Variants in SGCZ observed in about 807,000 individuals in gnomAD.
SGCZ encodes sarcoglycan zeta, also known as zeta-sarcoglycan.
Under a neutral mutation model 41.3 loss-of-function variants are expected in SGCZ, and 40 were observed. The ratio of observed to expected loss-of-function variants is 0.97; its 90% CI spans 0.75 to 1.26. SGCZ has a LOEUF of 1.26. SGCZ is among the 50% of genes most tolerant of loss of function. The probability of loss-of-function intolerance (pLI) is 0.00; values close to 1 mark genes in which losing one functional copy is unlikely to be tolerated. For synonymous variants in SGCZ, 206 were observed against 137.5 expected (o/e 1.50, Z -3.49); for missense variants, 552 against 369.8 (o/e 1.49, Z -4.04).
chr8:15,121,910 A>AG (rs1038093060), intron 1 of SGCZ, among the ~76,000 whole-genome samples: 2 of 151,850 alleles, frequency 1.3e-5, no homozygotes, highest in African/African-American at 4.8e-5. Context: ...CAAAAAAAAA[A>AG]AAAAAAATAG....
At chr8:14,152,477 T>A (rs1309620963) in intron 5 of SGCZ, among the ~76,000 whole-genome samples, 1 of 152,130 alleles carries the variant, frequency 6.6e-6, no homozygotes, top group African/African-American at 2.4e-5. Flanking sequence ...CAGCCTCAGC[T>A]ACATAGCAAG....
intron 5 of SGCZ, among the ~76,000 whole-genome samples, chr8:14,137,405 C>G (rs576047441): frequency 3.9e-5 from 6 of 152,220 alleles, no homozygotes; most frequent in South Asian, 2.1e-4. Context: ...ATGTTCAAAC[C>G]CATCACAAAG....
chr8:15,145,073 T>C (rs1799001919), intron 1 of SGCZ, among the ~76,000 whole-genome samples: 1 of 152,186 alleles, frequency 6.6e-6, no homozygotes, highest in South Asian at 2.1e-4. Context: ...TTTAAATGAT[T>C]GCACAGAGTC....
chr8:14,209,481 A>G (rs922406034), intron 4 of SGCZ, among the ~76,000 whole-genome samples: 4 of 151,900 alleles, frequency 2.6e-5, no homozygotes, highest in African/African-American at 9.7e-5. Flanking sequence ...ATAATTACAG[A>G]TCAGGAGTGT....
At chr8:14,172,706 G>C (rs904303190) in intron 4 of SGCZ, among the ~76,000 whole-genome samples, 2 of 152,092 alleles carry the variant, frequency 1.3e-5, no homozygotes, top group African/African-American at 4.8e-5. Context: ...ACAGTACAGG[G>C]AAATAGAGCC....
chr8:14,574,819 G>A (rs554575953), intron 1 of SGCZ, among the ~76,000 whole-genome samples: 1 of 152,026 alleles, frequency 6.6e-6, no homozygotes, highest in African/African-American at 2.4e-5. Flanking sequence ...AATATTTCAG[G>A]CAAAGAAAAA....
chr8:14,690,524 G>T (rs1808765155), intron 1 of SGCZ: 1 of 152,100 alleles, frequency 6.6e-6, no homozygotes. Flanking sequence ...AGGCCAAAAG[G>T]GGTGTCTGGA....
chr8:14,823,849 G>C (rs191718748), intron 1 of SGCZ, among the ~76,000 whole-genome samples: 178 of 152,196 alleles, frequency 1.2e-3, no homozygotes, highest in African/African-American at 4.2e-3. Context: ...ACAGATGAAT[G>C]GGTAAAGATT....
intron 1 of SGCZ, among the ~76,000 whole-genome samples, chr8:14,742,918 A>G (rs568830588): frequency 2.0e-5 from 3 of 152,226 alleles, no homozygotes; most frequent in East Asian, 3.9e-4. Context: ...AGAACCAAGG[A>G]CCTAAAACCT....
chr8:14,194,739 G>A (rs1805211490), intron 4 of SGCZ, among the ~76,000 whole-genome samples: 1 of 151,772 alleles, frequency 6.6e-6, no homozygotes, highest in Admixed American at 6.6e-5. Context: ...TAATACAAAA[G>A]AGGCAGAAAC....
At chr8:14,975,996 A>G (rs565718411) in intron 1 of SGCZ, among the ~76,000 whole-genome samples, 118 of 99,692 alleles carry the variant, frequency 1.2e-3, no homozygotes, top group African/African-American at 3.2e-3. Flanking sequence ...GTATATATAT[A>G]TATACATATA....
chr8:14,520,475 A>G (rs1220808407), intron 2 of SGCZ, among the ~76,000 whole-genome samples: 2 of 152,192 alleles, frequency 1.3e-5, no homozygotes, highest in Non-Finnish European at 2.9e-5. Context: ...ATCTCTTGGC[A>G]TACTGCTGGC....
rs1010663784 is a variant in SGCZ at position 15,193,085 on chromosome 8, A to C, written c.39+44500T>G. Reference sequence around the variant, plus strand: ...TGGAAATGAGGGTATAGTTGTCTGGAATTTAAATCACGTAGGTAAGCACCA... The same window carrying C: ...TGGAAATGAGGGTATAGTTGTCTGGCATTTAAATCACGTAGGTAAGCACCA... On this transcript the variant is annotated intron_variant, in intron 1 of 7. Transcript: ENST00000382080. Among the ~76,000 whole-genome samples the C allele has an allele frequency of 9.2e-5, 14 of 152,158 alleles. No individual in the cohort carries two copies. The East Asian group carries it at 2.5e-3, about 27-fold the overall frequency.
intron 1 of SGCZ, among the ~76,000 whole-genome samples, chr8:14,966,501 A>G (rs1439991774): frequency 2.0e-5 from 3 of 152,062 alleles, no homozygotes; most frequent in Admixed American, 1.3e-4. Flanking sequence ...AAATTTTTAC[A>G]AAGTCCAGGT....
intron 5 of SGCZ, among the ~76,000 whole-genome samples, chr8:14,154,379 A>C (rs931719060): frequency 1.8e-5 from 1 of 56,234 alleles, no homozygotes; most frequent in African/African-American, 6.5e-5. Context: ...AAAAATAAAC[A>C]AACAGCAACA....
In SGCZ at chr8:15,186,110, A is replaced by G. The variant is rs1056802355; in HGVS notation, c.39+51475T>C. 3.2e-5 allele frequency among the ~76,000 whole-genome samples: 4 copies of G among 123,982 alleles called. No individual in the cohort carries two copies. In the South Asian group the frequency reaches 1.0e-3, roughly 32 times the overall value. The allele number at this position is 123,982 out of a possible 152,430, so 81.3% of individuals were successfully genotyped here. A position where few individuals can be genotyped will look rare whatever the true frequency, so the allele number is the denominator to read the frequency against. On this transcript the variant is annotated intron_variant, in intron 1 of 7. Transcript: ENST00000382080. ...AAAATAAATAAAAAAATAAAAAAAA[A>G]ACTTAGCCGGGCATGGCGGAGGGCG...
chr8:14,770,708 T>A (rs1800208441), intron 1 of SGCZ, among the ~76,000 whole-genome samples: 1 of 152,096 alleles, frequency 6.6e-6, no homozygotes, highest in South Asian at 2.1e-4. Context: ...TAAAGTGCTG[T>A]TGAAATGAAG....
chr8:14,089,424 T>A lies in SGCZ; in HGVS notation c.*1019A>T, dbSNP rs1275173127. Among the ~76,000 whole-genome samples the A allele has an allele frequency of 6.6e-6, 1 of 151,990 alleles. No individual in the cohort carries two copies. The highest frequency in any genetic ancestry group is 1.5e-5 in the Non-Finnish European group (1 of 67,932). ...AATAATTCTGAAGATGATACCCCAA[T>A]GGAAAGAGAATTTATTCTCAGCATT... On this transcript the variant is annotated 3_prime_UTR_variant, in exon 8 of 8. Coordinates refer to ENST00000382080, the MANE Select transcript of SGCZ (RefSeq NM_139167.4).
At chr8:14,096,193 G>T (rs71429002) in intron 7 of SGCZ, among the ~76,000 whole-genome samples, 1 of 152,232 alleles carries the variant, frequency 6.6e-6, no homozygotes, top group Middle Eastern at 3.4e-3. Context: ...TTTTCAAAGG[G>T]AATGCTTCCA....
Sources: gnomAD v4.1 joint callset for allele counts (sites outside exome capture counted in the v4.1 genomes callset) on GRCh38, gnomAD v4.1.1 for gene constraint, MANE v1.5 for transcripts, NCBI Gene and HGNC (gene_info 2026-07-23, HGNC 2026-07-21) for gene names.